The following SVOPL variants were observed in gnomAD, a reference collection of about 807,000 sequenced individuals.
The protein encoded by SVOPL is SVOP like, also known as putative transporter SVOPL.
SVOPL carries 60 observed loss-of-function variants against 61.0 expected under a neutral mutation model. That is an observed-to-expected ratio of 0.98 (90% CI 0.80 to 1.22). The LOEUF is 1.22. Among genes scored for constraint, SVOPL ranks in the 50% most tolerant of loss-of-function variants. The pLI is 0.00. For missense variants in SVOPL, 662 were observed against 643.9 expected, an observed-to-expected ratio of 1.03 and a Z score of -0.30; for synonymous variants, 279 against 250.0, an observed-to-expected ratio of 1.12 and a Z score of -1.09.
intron 4 of SVOPL, 137 bp from the exon 5 acceptor site, chr7:138,663,282 G>T (rs1802083445): frequency 8.7e-6 from 13 of 1,486,076 alleles, no homozygotes; most frequent in African/African-American, 1.4e-5. Flanking sequence ...GTTTCACGTT[G>T]GTCTTGCTTG....
chr7:138,662,542 GA>G (rs1802044738), intron 5 of SVOPL: 1 of 985,690 alleles, frequency 1.0e-6, no homozygotes, highest in African/African-American at 1.7e-5. Context: ...TCATTTAAAT[GA>G]AAACCAGAGG....
chr7:138,660,197 A>T, intron 5 of SVOPL: 2 of 1,318,398 alleles, frequency 1.5e-6, no homozygotes, highest in Non-Finnish European at 1.9e-6. Context: ...CCAAGTTCAG[A>T]CCATTCTTTA....
intron 5 of SVOPL, chr7:138,662,788 C>T: frequency 1.6e-6 from 2 of 1,217,822 alleles, no homozygotes; most frequent in Admixed American, 3.9e-5. Flanking sequence ...CACTTAGCGG[C>T]CTTCCTTCCT....
At chr7:138,693,927 G>A (rs984260350) in intron 1 of SVOPL, among the ~76,000 whole-genome samples, 2 of 152,180 alleles carry the variant, frequency 1.3e-5, no homozygotes, top group Non-Finnish European at 2.9e-5. Context: ...AGGCATCAGG[G>A]ACATGAAGAA....
chr7:138,604,677 CAAAAAAAAAAA>C (rs5887890), intron 14 of SVOPL, among the ~76,000 whole-genome samples: 2 of 58,814 alleles, frequency 3.4e-5, no homozygotes, highest in Non-Finnish European at 5.8e-5. Flanking sequence ...AACTTTATCT[CAAAAAAAAAAA>C]AAAAAAAAAA....
In SVOPL at chr7:138,659,938, C is replaced by T. The variant is rs538349256; in HGVS notation, c.396G>A (p.Ser132=). The T allele has an allele frequency of 1.9e-5, 30 of 1,551,448 alleles. No individual in the cohort carries two copies. Among genetic ancestry groups the T allele is most frequent in the East Asian group, 2.4e-5 (1 of 40,896 alleles). Residue 132 remains serine (S), a synonymous_variant, in exon 6 of 16, where the codon TCG becomes TCA. Coordinates refer to ENST00000674285, the MANE Select transcript of SVOPL (RefSeq NM_001139456.2). Reference sequence around the variant, plus strand: ...CAAACCAGATGTACGAAGGAGCAAACGAGGTCAGCAAGGAGAAATAGGCTC... The same window carrying T: ...CAAACCAGATGTACGAAGGAGCAAATGAGGTCAGCAAGGAGAAATAGGCTC... ...LWGAYFSLLT[S]FAPSYIWFVF...
Position 138,701,292 on chromosome 7 carries a change from G to C in SVOPL, c.-149C>G, listed in dbSNP as rs1803190900. ...TGGCTTCTCAGGGGTGGCCAGACTT[G>C]TGTTCCCAAGACGCCTGGCTCCCTG... On this transcript the variant is annotated 5_prime_UTR_variant, in exon 1 of 16. Transcript: ENST00000674285. 1 of 152,170 alleles carries C rather than the reference G, an allele frequency of 6.6e-6. No homozygotes were observed. The highest frequency in any genetic ancestry group is 2.1e-4 in the South Asian group (1 of 4,826). 9.4% of individuals were successfully genotyped at this position (152,170 alleles called of 1,614,324 possible).
At chr7:138,615,871 A>G (rs1046260980) in intron 14 of SVOPL, among the ~76,000 whole-genome samples, 13 of 94,396 alleles carry the variant, frequency 1.4e-4, no homozygotes, top group Non-Finnish European at 2.6e-4. Flanking sequence ...AAACAAAAAT[A>G]AAAGACCAGA....
intron 13 of SVOPL, among the ~76,000 whole-genome samples, chr7:138,623,524 C>A (rs1043604208): frequency 6.6e-6 from 1 of 151,966 alleles, no homozygotes; most frequent in African/African-American, 2.4e-5. Context: ...GGCGTGAACC[C>A]GGGAGGTGGA....
chr7:138,682,555 G>T (rs1802722333), intron 1 of SVOPL, among the ~76,000 whole-genome samples: 1 of 152,102 alleles, frequency 6.6e-6, no homozygotes, highest in Admixed American at 6.6e-5. Context: ...TAAATAAATG[G>T]CAAGGGAAAG....
chr7:138,688,832 T>C (rs1015502963), intron 1 of SVOPL: 14 of 362,224 alleles, frequency 3.9e-5, no homozygotes, highest in African/African-American at 2.8e-4. Flanking sequence ...AGTTGAATTG[T>C]GTGCCCATCA....
At chr7:138,633,142 T>G (rs1023274442) in intron 9 of SVOPL, among the ~76,000 whole-genome samples, 3 of 152,232 alleles carry the variant, frequency 2.0e-5, no homozygotes, top group Non-Finnish European at 4.4e-5. Flanking sequence ...AGTAGCTTTC[T>G]GAACTCCAAA....
chr7:138,621,882 C>G (rs141578257), intron 13 of SVOPL, among the ~76,000 whole-genome samples: 20,533 of 51,722 alleles, frequency 0.4, 3,854 homozygotes, highest in African/African-American at 0.5. Context: ...ATCTATCTAT[C>G]TATCTATCTA....
Position 138,661,376 on chromosome 7 carries a change from C to T in SVOPL, c.346-1388G>A, listed in dbSNP as rs185492335. Reference sequence around the variant, plus strand: ...TCCACACTCTAATATGTTTTAACTCCGTACATCCATCAACTTGAGAGAGAA... The same window carrying T: ...TCCACACTCTAATATGTTTTAACTCTGTACATCCATCAACTTGAGAGAGAA... On this transcript the variant is annotated intron_variant, in intron 5 of 15. Coordinates refer to ENST00000674285, the MANE Select transcript of SVOPL (RefSeq NM_001139456.2). 53 of 985,334 alleles carry T rather than the reference C, an allele frequency of 5.4e-5. No individual in the cohort carries two copies. The Middle Eastern group carries it at 1.6e-3, about 29-fold the overall frequency. 61.0% of individuals were successfully genotyped at this position (985,334 alleles called of 1,614,324 possible).
At chr7:138,675,703 C>T (rs1802542250) in intron 3 of SVOPL, among the ~76,000 whole-genome samples, 1 of 152,032 alleles carries the variant, frequency 6.6e-6, no homozygotes, top group African/African-American at 2.4e-5. Flanking sequence ...AGGGTCAGAT[C>T]CCTCTAGAGT....
intron 1 of SVOPL, among the ~76,000 whole-genome samples, chr7:138,679,616 T>C (rs1414451425): frequency 6.6e-6 from 1 of 152,128 alleles, no homozygotes; most frequent in Admixed American, 6.6e-5. Flanking sequence ...GAATTTGCCC[T>C]TTGCACACCT....
chr7:138,678,475 G>T lies in SVOPL; in HGVS notation c.133C>A (p.Arg45Ser), dbSNP rs1350103884. 11 of 1,551,668 alleles carry T rather than the reference G, an allele frequency of 7.1e-6. No homozygotes were observed. The highest frequency in any genetic ancestry group is 9.6e-6 in the Non-Finnish European group (11 of 1,147,022). Residue 45 changes from arginine to serine, a missense_variant, in exon 3 of 16, where the codon CGT becomes AGT. By Grantham distance (110) the Arg-to-Ser change is moderately radical. Transcript: ENST00000674285. ...ATCAGAAAGAGGGCAATGTGGAAAC[G>T]CCCGAAGCCGATAGTCTCCACTGCA... The part of the protein sequence containing the change: ...EDAVETIGFG[R>S]FHIALFLIMG...
chr7:138,617,642 C>A (rs1018069013), intron 14 of SVOPL, among the ~76,000 whole-genome samples: 4 of 152,090 alleles, frequency 2.6e-5, no homozygotes, highest in Non-Finnish European at 5.9e-5. Flanking sequence ...GAAGGCCAGG[C>A]TGAGCAACAC....
At chr7:138,640,642 C>T (rs71541400) in intron 9 of SVOPL, among the ~76,000 whole-genome samples, 6,220 of 152,164 alleles carry the variant, frequency 0.041, 183 homozygotes, top group Middle Eastern at 0.11. Context: ...AGTCCATTAT[C>T]CTAAGAAAAT....
Sources: gnomAD v4.1 joint callset for allele counts (sites outside exome capture counted in the v4.1 genomes callset) on GRCh38, gnomAD v4.1.1 for gene constraint, MANE v1.5 for transcripts, NCBI Gene and HGNC (gene_info 2026-07-23, HGNC 2026-07-21) for gene names.